The following ZNF143 variants were observed in gnomAD, a reference collection of about 807,000 sequenced individuals.
ZNF143 encodes the protein zinc finger protein 143.
Under a neutral mutation model 74.1 loss-of-function variants are expected in ZNF143, and 49 were observed. The ratio of observed to expected loss-of-function variants is 0.66; its 90% CI spans 0.53 to 0.84. The LOEUF (loss-of-function observed/expected upper bound fraction) is 0.84. Ranked by LOEUF, ZNF143 falls within the 40% of genes least tolerant of loss-of-function variation. The probability of loss-of-function intolerance (pLI) is 0.00; values close to 1 mark genes in which losing one functional copy is unlikely to be tolerated. For missense variants in ZNF143, 637 were observed against 793.4 expected (o/e 0.80, Z 2.37); for synonymous variants, 304 against 282.8 (o/e 1.07, Z -0.75).
At chr11:9,475,096 G>A (rs1485773230) in intron 5 of ZNF143, among the ~76,000 whole-genome samples, 1 of 152,130 alleles carries the variant, frequency 6.6e-6, no homozygotes, top group Admixed American at 6.6e-5. Context: ...TCTGTTGCCA[G>A]GCTAATCTCA....
chr11:9,524,494 G>A (rs571931108), intron 14 of ZNF143, among the ~76,000 whole-genome samples: 9 of 152,126 alleles, frequency 5.9e-5, no homozygotes, highest in Admixed American at 3.9e-4. Flanking sequence ...TTAAAATGTA[G>A]CATTTTTAGT....
At position 9,514,735 on chromosome 11, in the gene ZNF143, A is replaced by C. The variant is rs370234497; in HGVS notation, c.1525-1466A>C. Among the ~76,000 whole-genome samples, 3 of 152,236 alleles carry C rather than the reference A, an allele frequency of 2.0e-5. No homozygotes were observed. In the East Asian group the frequency reaches 5.8e-4, roughly 29 times the overall value. On this transcript the variant is annotated intron_variant, in intron 13 of 15. Transcript: ENST00000396602. ...ATGACACTTTCTGGGACTGCAAATG[A>C]CTAGTTGTGGCTGGAGTGTCAGTTG...
At chr11:9,487,808 T>A (rs774255279) in intron 7 of ZNF143, among the ~76,000 whole-genome samples, 3 of 152,210 alleles carry the variant, frequency 2.0e-5, no homozygotes. Flanking sequence ...CATATCAGAT[T>A]GCTGTTTCTT....
intron 3 of ZNF143, among the ~76,000 whole-genome samples, chr11:9,473,538 C>T (rs934502637): frequency 6.6e-6 from 1 of 152,282 alleles, no homozygotes; most frequent in African/African-American, 2.4e-5. Flanking sequence ...AAACAGGGGT[C>T]TTATAGCCCT....
intron 7 of ZNF143, among the ~76,000 whole-genome samples, chr11:9,483,005 G>A (rs1847309493): frequency 6.6e-6 from 1 of 150,650 alleles, no homozygotes; most frequent in East Asian, 1.9e-4. Flanking sequence ...ATTTATTTAT[G>A]TATTTTGAGA....
At chr11:9,486,365 ATATATAATATATT>A (rs1847486621) in intron 7 of ZNF143, among the ~76,000 whole-genome samples, 1 of 48,938 alleles carries the variant, frequency 2.0e-5, no homozygotes, top group Non-Finnish European at 3.8e-5. Context: ...TATATATATT[ATATATAATATATT>A]ATATATATAA....
chr11:9,498,153 C>T (rs1006673192), intron 10 of ZNF143, among the ~76,000 whole-genome samples: 7 of 152,162 alleles, frequency 4.6e-5, no homozygotes, highest in Admixed American at 1.3e-4. Flanking sequence ...TCTGCAGGGA[C>T]GGTACTTGAG....
chr11:9,519,128 C>T (rs140731756), intron 14 of ZNF143, among the ~76,000 whole-genome samples: 1 of 152,224 alleles, frequency 6.6e-6, no homozygotes, highest in Non-Finnish European at 1.5e-5. Flanking sequence ...ACATTTCTAT[C>T]ACGCTAGAAA....
chr11:9,461,137 A>T (rs897806041), intron 1 of ZNF143, 61 bp downstream of exon 1: 6 of 967,704 alleles, frequency 6.2e-6, no homozygotes, highest in Non-Finnish European at 7.4e-6. Flanking sequence ...CGCCGCCCTC[A>T]GCGCGGCGGC....
chr11:9,502,132 C>T (rs1219740176), intron 11 of ZNF143, among the ~76,000 whole-genome samples: 2 of 148,896 alleles, frequency 1.3e-5, no homozygotes, highest in Admixed American at 6.7e-5. Flanking sequence ...GACGGGGTTT[C>T]TCCATGTTGG....
intron 1 of ZNF143, among the ~76,000 whole-genome samples, chr11:9,469,903 C>G (rs1270969697): frequency 1.3e-5 from 2 of 152,088 alleles, no homozygotes; most frequent in Non-Finnish European, 2.9e-5. Context: ...ACAGTAGTTC[C>G]CACTTTTGGT....
intron 4 of ZNF143, 123 bp from the exon 5 acceptor site, chr11:9,474,425 CAA>C: frequency 1.1e-6 from 1 of 941,294 alleles, no homozygotes. Context: ...CTTAAATGTT[CAA>C]AGACTCATGA....
intron 11 of ZNF143, among the ~76,000 whole-genome samples, chr11:9,504,763 C>G (rs180719092): frequency 0.027 from 3,114 of 117,380 alleles, 769 homozygotes; most frequent in Non-Finnish European, 0.043. Context: ...CAACCTCCGC[C>G]TCCTGGGTTC....
intron 5 of ZNF143, among the ~76,000 whole-genome samples, chr11:9,475,161 C>T (rs1354504810): frequency 6.6e-6 from 1 of 152,244 alleles, no homozygotes; most frequent in Non-Finnish European, 1.5e-5. Flanking sequence ...GCGTTAGCTA[C>T]TGCACCCAGC....
chr11:9,514,377 C>T (rs1272043485), intron 13 of ZNF143, among the ~76,000 whole-genome samples: 10 of 152,236 alleles, frequency 6.6e-5, no homozygotes. Context: ...CATTCCATTC[C>T]TTTCATCAGT....
At chr11:9,516,503 C>T (rs1589944992) in intron 14 of ZNF143, 141 bp downstream of exon 14, 3 of 755,068 alleles carry the variant, frequency 4.0e-6, no homozygotes, top group Non-Finnish European at 6.2e-6. Context: ...ACTTAACCCT[C>T]AGAGCCTGTT....
chr11:9,525,469 C>T, intron 15 of ZNF143, 83 bp downstream of exon 15: 2 of 1,549,298 alleles, frequency 1.3e-6, no homozygotes, highest in Non-Finnish European at 1.8e-6. Context: ...TCGTGTATAA[C>T]CTTTACAGGA....
chr11:9,488,896 A>G (rs1239923771), intron 7 of ZNF143, among the ~76,000 whole-genome samples: 1 of 152,220 alleles, frequency 6.6e-6, no homozygotes, highest in Non-Finnish European at 1.5e-5. Context: ...CCAAATAGAA[A>G]AAAAAAAGAT....
At chr11:9,511,099 C>CTT (rs1462806393) in intron 12 of ZNF143, among the ~76,000 whole-genome samples, 3 of 124,884 alleles carry the variant, frequency 2.4e-5, no homozygotes, top group Non-Finnish European at 3.5e-5. Context: ...CTTTTAACAG[C>CTT]TTCTTTTTTT....
Sources: allele counts gnomAD v4.1 joint callset (sites outside exome capture counted in the v4.1 genomes callset), GRCh38; gene constraint gnomAD v4.1.1; transcripts MANE v1.5; gene names NCBI Gene and HGNC (gene_info 2026-07-23, HGNC 2026-07-21).